The following BTBD16 variants were observed in gnomAD, a reference collection of about 807,000 sequenced individuals.
BTBD16 encodes BTB domain containing 16.
A neutral mutation model predicts 67.4 loss-of-function variants in BTBD16; 66 were observed. The ratio of observed to expected loss-of-function variants is 0.98; its 90% CI spans 0.80 to 1.20. BTBD16 has a LOEUF of 1.20. Among genes scored for constraint, BTBD16 ranks in the 50% most tolerant of loss-of-function variants. BTBD16 has a pLI of 0.00. For synonymous variants in BTBD16, 242 were observed against 236.4 expected, an observed-to-expected ratio of 1.02 and a Z score of -0.22; for missense variants, 634 against 616.0, an observed-to-expected ratio of 1.03 and a Z score of -0.31.
chr10:122,276,083 G>GAA (rs1157107983), intron 2 of BTBD16, among the ~76,000 whole-genome samples: 1 of 152,210 alleles, frequency 6.6e-6, no homozygotes, highest in Non-Finnish European at 1.5e-5. Context: ...TTATGTGAAA[G>GAA]ATGCCATCCA....
chr10:122,287,557 C>A, intron 5 of BTBD16: 2 of 836,862 alleles, frequency 2.4e-6, no homozygotes, highest in Non-Finnish European at 1.4e-6. Flanking sequence ...CTCGCAAGTT[C>A]CATGGACCGA....
intron 9 of BTBD16, among the ~76,000 whole-genome samples, chr10:122,305,839 A>G (rs1327250528): frequency 6.6e-6 from 1 of 152,194 alleles, no homozygotes; most frequent in African/African-American, 2.4e-5. Context: ...AACATGCAGT[A>G]TTTAGTTTTC....
At chr10:122,272,706 C>G (rs1017619092) in intron 1 of BTBD16, among the ~76,000 whole-genome samples, 12 of 149,188 alleles carry the variant, frequency 8.0e-5, no homozygotes, top group East Asian at 4.0e-4. Context: ...CACACACACA[C>G]AGGACATATT....
intron 9 of BTBD16, among the ~76,000 whole-genome samples, chr10:122,304,643 C>T (rs1004095461): frequency 2.0e-5 from 3 of 149,990 alleles, no homozygotes; most frequent in Admixed American, 6.7e-5. Flanking sequence ...CAAGCTCTGC[C>T]TCCCAGGTTC....
chr10:122,272,919 A>G (rs1034533), intron 1 of BTBD16, among the ~76,000 whole-genome samples: 94,236 of 151,770 alleles, frequency 0.62, 30,221 homozygotes, highest in East Asian at 0.89. Flanking sequence ...AAAATTAAAC[A>G]GCCAATAAAT....
intron 9 of BTBD16, among the ~76,000 whole-genome samples, chr10:122,300,953 G>A (rs1464871504): frequency 6.6e-6 from 1 of 152,190 alleles, no homozygotes; most frequent in African/African-American, 2.4e-5. Context: ...AGCATGCAAT[G>A]CCCTCACGTT....
At chr10:122,285,529 G>C (rs562993973) in intron 4 of BTBD16, among the ~76,000 whole-genome samples, 1 of 152,282 alleles carries the variant, frequency 6.6e-6, no homozygotes, top group African/African-American at 2.4e-5. Context: ...CAGGGAACTG[G>C]GGGGTGATTT....
chr10:122,299,677 G>A (rs1343902295), intron 9 of BTBD16, among the ~76,000 whole-genome samples: 3 of 151,994 alleles, frequency 2.0e-5, no homozygotes, highest in African/African-American at 7.3e-5. Context: ...ACCCTTGATA[G>A]TCCTGGACGC....
At chr10:122,329,673 A>G in intron 11 of BTBD16, 102 bp downstream of exon 11, 1 of 928,128 alleles carries the variant, frequency 1.1e-6, no homozygotes, top group Non-Finnish European at 1.7e-6. Context: ...TTCCAAGGGA[A>G]TCACCTGAAT....
chr10:122,310,008 G>A (rs1421150580), intron 10 of BTBD16, among the ~76,000 whole-genome samples: 1 of 151,838 alleles, frequency 6.6e-6, no homozygotes, highest in African/African-American at 2.4e-5. Flanking sequence ...CTGCCCTCAA[G>A]TGATCCTCCC....
chr10:122,314,345 A>C (rs1467318658), intron 10 of BTBD16, among the ~76,000 whole-genome samples: 2 of 152,124 alleles, frequency 1.3e-5, no homozygotes, highest in African/African-American at 4.8e-5. Context: ...CACAAAAAAA[A>C]TGTAAAAAAT....
intron 10 of BTBD16, among the ~76,000 whole-genome samples, chr10:122,326,128 T>C (rs1281305292): frequency 6.6e-6 from 1 of 152,240 alleles, no homozygotes; most frequent in East Asian, 1.9e-4. Flanking sequence ...ATTTAATATG[T>C]TAGTTCAGGT....
rs192291756 is a variant in BTBD16, at chr10:122,296,108, G to A, written c.591-1660G>A. Among the ~76,000 whole-genome samples, 25 of 151,904 alleles carry A rather than the reference G, an allele frequency of 1.6e-4. No homozygotes were observed. The East Asian group carries it at 4.1e-3, about 25-fold the overall frequency. Reference sequence around the variant, plus strand: ...AAGGGAAACTTGATCAGTGATATTCGATGCAAACTAGATAACAGTTTAAAA... The same window carrying A: ...AAGGGAAACTTGATCAGTGATATTCAATGCAAACTAGATAACAGTTTAAAA... On this transcript the variant is annotated intron_variant, in intron 7 of 15. Coordinates refer to ENST00000260723, the MANE Select transcript of BTBD16 (RefSeq NM_144587.5).
chr10:122,332,329 C>G, intron 12 of BTBD16, 107 bp from the exon 13 acceptor site: 1 of 991,250 alleles, frequency 1.0e-6, no homozygotes, highest in South Asian at 1.6e-5. Flanking sequence ...AACTCTTTTT[C>G]AAACCTGGTG....
At chr10:122,280,598 A>T (rs1387839344) in intron 3 of BTBD16, among the ~76,000 whole-genome samples, 6 of 149,204 alleles carry the variant, frequency 4.0e-5, no homozygotes, top group Non-Finnish European at 5.9e-5. Flanking sequence ...ATTATATTAT[A>T]TTATTTTATT....
chr10:122,332,204 CT>C (rs1368535527), intron 12 of BTBD16: 20 of 507,300 alleles, frequency 3.9e-5, no homozygotes, highest in Non-Finnish European at 6.7e-5. Context: ...TGCTCAGATA[CT>C]TTTTTGTCTT....
At chr10:122,331,747 C>T (rs921111021) in intron 12 of BTBD16, among the ~76,000 whole-genome samples, 4 of 152,148 alleles carry the variant, frequency 2.6e-5, no homozygotes, top group South Asian at 2.1e-4. Flanking sequence ...TTTTCAATCT[C>T]GCGTTTTTAG....
chr10:122,297,874 G>C (rs754667850), intron 8 of BTBD16, 37 bp downstream of exon 8: 1 of 1,605,118 alleles, frequency 6.2e-7, no homozygotes, highest in Admixed American at 1.7e-5. Context: ...CGCCCCTTGG[G>C]GGGGCCTTCA....
intron 9 of BTBD16, among the ~76,000 whole-genome samples, chr10:122,304,142 A>G (rs909603996): frequency 1.3e-5 from 2 of 152,174 alleles, no homozygotes; most frequent in African/African-American, 4.8e-5. Flanking sequence ...TGCTCTGAGG[A>G]GAGTCTCCCC....
Sources: gnomAD v4.1 joint callset for allele counts (sites outside exome capture counted in the v4.1 genomes callset) on GRCh38, gnomAD v4.1.1 for gene constraint, MANE v1.5 for transcripts, NCBI Gene and HGNC (gene_info 2026-07-23, HGNC 2026-07-21) for gene names.